Variants in FDFT1 observed in about 807,000 individuals in gnomAD.
FDFT1 encodes the protein farnesyl-diphosphate farnesyltransferase 1.
A neutral mutation model predicts 46.8 loss-of-function variants in FDFT1; 68 were observed. That is an observed-to-expected ratio of 1.45 (90% CI 1.19 to 1.78). The LOEUF is 1.78. Ranked by LOEUF, FDFT1 falls within the 40% of genes most tolerant of loss-of-function variation. The pLI is 0.00. For missense variants in FDFT1, 928 were observed against 524.4 expected, an observed-to-expected ratio of 1.77 and a Z score of -7.52; for synonymous variants, 351 against 185.1, an observed-to-expected ratio of 1.90 and a Z score of -7.28.
At chr8:11,801,631 G>A (rs960657584), upstream of FDFT1, 10 of 227,092 alleles carry the variant, frequency 4.4e-5, no homozygotes, top group Non-Finnish European at 7.9e-5. Context: ...GACCTGACAG[G>A]TTTTAAAAGG....
intron 7 of FDFT1, among the ~76,000 whole-genome samples, chr8:11,832,655 G>A (rs1020081610): frequency 8.8e-5 from 13 of 148,522 alleles, no homozygotes; most frequent in African/African-American, 3.2e-4. Flanking sequence ...GAGGTGATTT[G>A]CTCCCCTCCC....
intron 1 of FDFT1, among the ~76,000 whole-genome samples, chr8:11,796,196 T>C (rs2645439): frequency 0.98 from 149,862 of 152,354 alleles, 73,758 homozygotes; most frequent in East Asian, 1. Context: ...CCTACTGTAA[T>C]GGGAGTATGT....
chr8:11,796,396 T>TAC (rs1805572841), intron 1 of FDFT1, among the ~76,000 whole-genome samples: 1 of 152,264 alleles, frequency 6.6e-6, no homozygotes, highest in Admixed American at 6.5e-5. Context: ...ATTATTAGAA[T>TAC]ACAGAAAGTT....
chr8:11,836,238 T>C (rs1470489720), intron 7 of FDFT1, among the ~76,000 whole-genome samples: 1 of 150,774 alleles, frequency 6.6e-6, no homozygotes, highest in Non-Finnish European at 1.5e-5. Flanking sequence ...ATGCCTATTT[T>C]ATGGCTTTTG....
In FDFT1 at chr8:11,826,106, G is replaced by A. The variant is rs1412850308; in HGVS notation, c.593G>A (p.Gly198Asp). ...SASEFEDPLV[G>D]EDTERANSMG... ...TCAGAGTTTGAAGACCCCTTAGTTG[G>A]TGAAGATACAGAACGTGCCAACTCT... Residue 198 changes from glycine (G) to aspartate (D), a missense_variant, in exon 5 of 8, where the codon GGT (glycine) becomes GAT (aspartate). Physicochemically the swap from Gly to Asp is moderately conservative, Grantham distance 94 (BLOSUM62 -1). Coordinates refer to ENST00000220584, the MANE Select transcript of FDFT1 (RefSeq NM_004462.5). 21 of 1,611,000 alleles carry A rather than the reference G, an allele frequency of 1.3e-5. No homozygotes were observed. The highest frequency in any genetic ancestry group is 3.3e-5 in the Admixed American group (2 of 59,980).
upstream of FDFT1, among the ~76,000 whole-genome samples, chr8:11,801,350 G>C (rs1350497693): frequency 1.3e-5 from 2 of 152,148 alleles, no homozygotes; most frequent in African/African-American, 2.4e-5. Flanking sequence ...ATGAAGTCTC[G>C]CTCTTGTCCC....
At chr8:11,802,047 C>T (rs1392258997), upstream of FDFT1, 2 of 455,888 alleles carry the variant, frequency 4.4e-6, no homozygotes, top group South Asian at 3.1e-5. Flanking sequence ...TTCCACATTC[C>T]TGTTACAGGC....
At chr8:11,803,060 G>T (rs1349525164) in intron 1 of FDFT1, 129 bp downstream of exon 1, 28 of 1,456,746 alleles carry the variant, frequency 1.9e-5, no homozygotes, top group Non-Finnish European at 1.9e-5. Context: ...GGGTGTTCCC[G>T]TCCCCCTTTC....
intron 7 of FDFT1, among the ~76,000 whole-genome samples, chr8:11,835,336 T>C (rs1586014660): frequency 6.6e-6 from 1 of 152,322 alleles, no homozygotes; most frequent in Admixed American, 6.5e-5. Context: ...AAGGTCCCTT[T>C]GGCCTTACCG....
intron 4 of FDFT1, among the ~76,000 whole-genome samples, chr8:11,824,426 T>G (rs1027251988): frequency 6.6e-6 from 1 of 152,164 alleles, no homozygotes; most frequent in Admixed American, 6.5e-5. Context: ...AGGGGAAGTT[T>G]TAGCAAAGTT....
At chr8:11,809,058 G>C in intron 2 of FDFT1, 167 bp downstream of exon 2, 1 of 1,337,094 alleles carries the variant, frequency 7.5e-7, no homozygotes, top group Non-Finnish European at 9.9e-7. Context: ...GCCCTTCCAG[G>C]CTCTTTGCCA....
At chr8:11,837,187 C>T (rs574240736) in intron 7 of FDFT1, among the ~76,000 whole-genome samples, 1 of 152,360 alleles carries the variant, frequency 6.6e-6, no homozygotes, top group South Asian at 2.1e-4. Flanking sequence ...CAGAGGTGTG[C>T]AGCAGCATCG....
At chr8:11,799,226 C>T (rs536737409), upstream of FDFT1, among the ~76,000 whole-genome samples, 1 of 152,342 alleles carries the variant, frequency 6.6e-6, no homozygotes, top group African/African-American at 2.4e-5. Flanking sequence ...GACCAGTCCA[C>T]GGTCGGCGGT....
At chr8:11,833,884 C>G (rs61452742) in intron 7 of FDFT1, among the ~76,000 whole-genome samples, 121 of 152,310 alleles carry the variant, frequency 7.9e-4, no homozygotes, top group African/African-American at 2.8e-3. Flanking sequence ...AATATTAATA[C>G]TTAAGTTGAT....
chr8:11,807,498 A>T (rs921950783), intron 1 of FDFT1, among the ~76,000 whole-genome samples: 1 of 152,000 alleles, frequency 6.6e-6, no homozygotes, highest in Non-Finnish European at 1.5e-5. Flanking sequence ...TCCCAAAAAG[A>T]ACTGTTGTAA....
Position 11,826,191 on chromosome 8 carries a change from A to AG in FDFT1, c.680dup (p.Arg228LysfsTer14). 6.4e-7 allele frequency: 1 copy of AG among 1,573,188 alleles called. No individual in the cohort carries two copies. The highest frequency in any genetic ancestry group is 8.7e-7 in the Non-Finnish European group (1 of 1,150,152). On this transcript the variant is annotated frameshift_variant, in exon 5 of 8. Transcript: ENST00000220584. LOFTEE classifies it high-confidence loss of function. The stretch of plus-strand genomic sequence containing the variant: ...GTGACTATCTGGAAGACCAGCAAGG[A>AG]GGAAGAGAGTTCTGGCCTCAAGAGG...
intron 7 of FDFT1, among the ~76,000 whole-genome samples, chr8:11,831,967 C>G (rs920718360): frequency 6.6e-6 from 1 of 152,286 alleles, no homozygotes; most frequent in South Asian, 2.1e-4. Flanking sequence ...GCCAACCAAG[C>G]TTCTTGTTGC....
At chr8:11,808,734 TCCC>T (rs1289413640) in intron 1 of FDFT1, 57 bp from the exon 2 acceptor site, 29 of 1,568,034 alleles carry the variant, frequency 1.8e-5, no homozygotes, top group East Asian at 9.2e-5. Flanking sequence ...CCACTCCCAC[TCCC>T]ACTCCCACTC....
intron 3 of FDFT1, among the ~76,000 whole-genome samples, chr8:11,819,300 G>A: frequency 6.6e-6 from 1 of 152,176 alleles, no homozygotes; most frequent in African/African-American, 2.4e-5. Flanking sequence ...TCATTTCAAC[G>A]TTGGTGAATC....
Sources: gnomAD v4.1 joint callset for allele counts (sites outside exome capture counted in the v4.1 genomes callset) on GRCh38, gnomAD v4.1.1 for gene constraint, MANE v1.5 for transcripts, NCBI Gene and HGNC (gene_info 2026-07-23, HGNC 2026-07-21) for gene names.